KTN1: variants seen among roughly 807,000 people sequenced by gnomAD.
The protein encoded by KTN1 is kinectin 1.
KTN1 carries 130 observed loss-of-function variants against 222.5 expected under a neutral mutation model. The ratio of observed to expected loss-of-function variants is 0.58; its 90% confidence interval spans 0.51 to 0.68. The LOEUF is 0.68. KTN1 is among the 30% of genes least tolerant of loss of function. The probability of loss-of-function intolerance (pLI) is 0.00; values close to 1 mark genes in which losing one functional copy is unlikely to be tolerated. For synonymous variants in KTN1, 512 were observed against 496.3 expected (o/e 1.03, Z -0.42); for missense variants, 1,508 against 1,500.4 (o/e 1.01, Z -0.08).
At chr14:55,637,047 C>T (rs1734124132) in intron 10 of KTN1, 151 bp from the exon 11 acceptor site, 10 of 519,726 alleles carry the variant, frequency 1.9e-5, no homozygotes, top group Non-Finnish European at 2.8e-5. Flanking sequence ...TCCCATGAAA[C>T]GCAAGTATAG....
At chr14:55,654,127 A>G (rs1456397619) in intron 28 of KTN1, among the ~76,000 whole-genome samples, 2 of 152,180 alleles carry the variant, frequency 1.3e-5, no homozygotes, top group Non-Finnish European at 2.9e-5. Flanking sequence ...TATTAATCTT[A>G]GAAAATGTTT....
At chr14:55,600,561 G>T (rs897009821) in intron 1 of KTN1, among the ~76,000 whole-genome samples, 1 of 152,172 alleles carries the variant, frequency 6.6e-6, no homozygotes, top group Non-Finnish European at 1.5e-5. Context: ...AACATAGGCT[G>T]GCTGCCTGTT....
At chr14:55,623,092 T>C (rs1004758190) in intron 5 of KTN1, among the ~76,000 whole-genome samples, 3 of 152,248 alleles carry the variant, frequency 2.0e-5, no homozygotes, top group Admixed American at 6.5e-5. Flanking sequence ...TTTTCTCATA[T>C]AAGGCTAACC....
intron 41 of KTN1, among the ~76,000 whole-genome samples, chr14:55,676,791 T>C (rs988913599): frequency 6.6e-6 from 1 of 152,230 alleles, no homozygotes; most frequent in African/African-American, 2.4e-5. Context: ...TATATGCTTA[T>C]AGTTTATAAT....
intron 9 of KTN1, among the ~76,000 whole-genome samples, chr14:55,636,024 G>A (rs191914177): frequency 1.7e-4 from 26 of 152,228 alleles, no homozygotes; most frequent in African/African-American, 6.0e-4. Flanking sequence ...TGATTGGAGT[G>A]TTGTGTTATA....
intron 41 of KTN1, 84 bp from the exon 42 acceptor site, chr14:55,678,268 T>A (rs1408512145): frequency 2.0e-5 from 17 of 863,906 alleles, no homozygotes; most frequent in Non-Finnish European, 3.1e-5. Context: ...AGCTTTTATC[T>A]TCTACAAAAT....
intron 5 of KTN1, among the ~76,000 whole-genome samples, chr14:55,623,080 C>T (rs897238371): frequency 6.6e-6 from 1 of 152,200 alleles, no homozygotes; most frequent in Non-Finnish European, 1.5e-5. Context: ...ACTTAAATGT[C>T]ATTTTCTCAT....
At chr14:55,585,654 A>T (rs1450875142) in intron 1 of KTN1, among the ~76,000 whole-genome samples, 1 of 152,150 alleles carries the variant, frequency 6.6e-6, no homozygotes, top group African/African-American at 2.4e-5. Flanking sequence ...ATTTAATGTC[A>T]TTTTTATAGA....
intron 21 of KTN1, 148 bp from the exon 22 acceptor site, chr14:55,649,628 T>G (rs1366916292): frequency 7.0e-6 from 4 of 571,314 alleles, no homozygotes; most frequent in Non-Finnish European, 1.2e-5. Flanking sequence ...GTCATTATTA[T>G]GACATTAAAA....
chr14:55,615,276 T>C (rs932266457), intron 2 of KTN1, among the ~76,000 whole-genome samples: 4 of 152,144 alleles, frequency 2.6e-5, no homozygotes, highest in Non-Finnish European at 5.9e-5. Flanking sequence ...TATATAATCA[T>C]CACCACTAGC....
chr14:55,584,435 G>C (rs1296346790), intron 1 of KTN1, among the ~76,000 whole-genome samples: 2 of 152,186 alleles, frequency 1.3e-5, no homozygotes, highest in Non-Finnish European at 2.9e-5. Context: ...ATTATATACT[G>C]TTTACTTCTC....
chr14:55,640,017 T>A lies in KTN1; in HGVS notation c.1914+14T>A. Reference sequence around the variant, plus strand: ...GAGGAACTTAAGGTATAGTAATTTGTATAAATGGCTGCAATATTTTACAGA... The same window carrying A: ...GAGGAACTTAAGGTATAGTAATTTGAATAAATGGCTGCAATATTTTACAGA... On this transcript the variant is annotated intron_variant, in intron 14 of 43. Coordinates refer to ENST00000395314, the MANE Select transcript of KTN1 (RefSeq NM_001079521.2). The A allele has an allele frequency of 7.1e-7, 1 of 1,410,258 alleles. No homozygotes were observed. Among genetic ancestry groups the A allele is most frequent in the Non-Finnish European group, 1.0e-6 (1 of 998,522 alleles). 87.4% of individuals were successfully genotyped at this position (1,410,258 alleles called of 1,614,324 possible).
In KTN1 at chr14:55,633,284, A is replaced by G; in HGVS notation, c.1271A>G (p.Gln424Arg). Residue 424 changes from glutamine (Q) to arginine (R), a missense_variant, in exon 8 of 44, where the codon CAG (glutamine) becomes CGG (arginine). Transcript: ENST00000395314. Reference sequence around the variant, plus strand: ...GAGGCAGAGATAGCTCACTTGAAGCAGGAAAATGGTATACTGAGAGATGCA... The same window carrying G: ...GAGGCAGAGATAGCTCACTTGAAGCGGGAAAATGGTATACTGAGAGATGCA... ...QMEAEIAHLK[Q>R]ENGILRDAVS... 6.3e-7 allele frequency: 1 copy of G among 1,599,512 alleles called. No homozygotes were observed. Among genetic ancestry groups the G allele is most frequent in the African/African-American group, 1.3e-5 (1 of 74,316 alleles).
At chr14:55,682,941 C>CTTACA (rs2046498925) in intron 43 of KTN1, 2 of 152,044 alleles carry the variant, frequency 1.3e-5, no homozygotes, top group African/African-American at 4.8e-5. Flanking sequence ...TTGTCAGTAG[C>CTTACA]GTATTGGAGA....
At chr14:55,627,250 G>A (rs2039956513) in intron 5 of KTN1, among the ~76,000 whole-genome samples, 1 of 151,972 alleles carries the variant, frequency 6.6e-6, no homozygotes, top group African/African-American at 2.4e-5. Context: ...GTAAAAATCT[G>A]TTCCTTGGTT....
At chr14:55,647,160 G>A (rs552745223) in intron 19 of KTN1, among the ~76,000 whole-genome samples, 153 bp downstream of exon 19, 69 of 152,254 alleles carry the variant, frequency 4.5e-4, no homozygotes, top group African/African-American at 1.6e-3. Flanking sequence ...TGGGTTTCAC[G>A]TGTGGCAGTA....
At chr14:55,595,942 C>T (rs1336647513) in intron 1 of KTN1, among the ~76,000 whole-genome samples, 6 of 151,900 alleles carry the variant, frequency 3.9e-5, no homozygotes, top group Admixed American at 1.3e-4. Flanking sequence ...ATCATGAGGT[C>T]AGGAGATCAA....
Position 55,640,925 on chromosome 14 carries a change from A to T in KTN1, c.1984-8A>T. ...AGTGATATCATTTTCTTCTCATTCC[A>T]CACACAGGCTGCTGCTGCACATGAA... On this transcript the variant is annotated splice_region_variant and splice_polypyrimidine_tract_variant and intron_variant, in intron 15 of 43. Coordinates refer to ENST00000395314, the MANE Select transcript of KTN1 (RefSeq NM_001079521.2). 5 of 1,611,328 alleles carry T rather than the reference A, an allele frequency of 3.1e-6. No individual in the cohort carries two copies. Among genetic ancestry groups the T allele is most frequent in the Non-Finnish European group, 4.2e-6 (5 of 1,178,110 alleles).
chr14:55,581,031 A>G (rs920917812), intron 1 of KTN1, among the ~76,000 whole-genome samples: 1 of 152,242 alleles, frequency 6.6e-6, no homozygotes, highest in Non-Finnish European at 1.5e-5. Flanking sequence ...CGGCGAAGTT[A>G]TCCCTTCCTG....
Sources: allele counts gnomAD v4.1 joint callset (sites outside exome capture counted in the v4.1 genomes callset), GRCh38; gene constraint gnomAD v4.1.1; transcripts MANE v1.5; gene names NCBI Gene and HGNC (gene_info 2026-07-23, HGNC 2026-07-21).